The following PLK2 variants were observed in gnomAD, a reference collection of about 807,000 sequenced individuals.
The protein encoded by PLK2 is serine/threonine-protein kinase PLK2.
In PLK2, 25 loss-of-function variants were observed where a neutral mutation model predicts 78.1. The ratio of observed to expected loss-of-function variants is 0.32; its 90% CI spans 0.23 to 0.45. The LOEUF (loss-of-function observed/expected upper bound fraction) is 0.45, where lower values mean the gene tolerates loss of function less well. Among genes scored for constraint, PLK2 ranks in the 20% least tolerant of loss-of-function variants. PLK2 has a pLI of 1.00. For synonymous variants in PLK2, 332 were observed against 298.2 expected (o/e 1.11, Z -1.17); for missense variants, 566 against 840.2 (o/e 0.67, Z 4.04).
At chr5:58,457,806 AC>A (rs1477630859) in intron 5 of PLK2, 2 of 590,798 alleles carry the variant, frequency 3.4e-6, no homozygotes, top group Non-Finnish European at 6.0e-6. Flanking sequence ...GTTTTAGCCC[AC>A]ATGCAAAGTG....
intron 12 of PLK2, 75 bp downstream of exon 12, chr5:58,455,210 C>T: frequency 3.3e-6 from 5 of 1,527,296 alleles, no homozygotes; most frequent in Non-Finnish European, 3.6e-6. Context: ...TTCTAACAAG[C>T]TTCAAAGTGA....
Position 58,455,704 on chromosome 5 carries a change from G to T in PLK2, c.1460C>A (p.Pro487Gln). Reference protein sequence around the residue: ...RVLRGCLENMPEADCIPKEQL... With the variant: ...RVLRGCLENMQEADCIPKEQL... ...CTCTTTGGGAATGCAATCAGCTTCC[G>T]GCATGTTTTCCAGACATCCCCGAAG... Residue 487 changes from proline to glutamine, a missense_variant, in exon 11 of 14, where the codon CCG becomes CAG. By Grantham distance (76) the Pro-to-Gln change is moderately conservative. Transcript: ENST00000274289. The T allele has an allele frequency of 1.2e-6, 2 of 1,614,092 alleles. No homozygotes were observed. The highest frequency in any genetic ancestry group is 1.7e-6 in the Non-Finnish European group (2 of 1,180,014).
Position 58,454,502 on chromosome 5 carries a change from T to C in PLK2, c.*81A>G. ...CACCACATGTCCATCTTCTTCAACATACTCTAGATCATTCTTTTGGCTTCC... is the reference window on the plus strand; with the variant it reads ...CACCACATGTCCATCTTCTTCAACACACTCTAGATCATTCTTTTGGCTTCC... On this transcript the variant is annotated 3_prime_UTR_variant, in exon 14 of 14. Coordinates refer to ENST00000274289, the MANE Select transcript of PLK2 (RefSeq NM_006622.4). 2.0e-6 allele frequency: 2 copies of C among 975,698 alleles called. No individual in the cohort carries two copies. The highest frequency in any genetic ancestry group is 3.1e-6 in the Non-Finnish European group (2 of 638,692). 60.4% of individuals were successfully genotyped at this position (975,698 alleles called of 1,614,324 possible).
In PLK2 at chr5:58,457,523, G is replaced by A; in HGVS notation, c.774C>T (p.Gly258=). The change falls in exon 6 of 14, where the codon GGC becomes GGT. Residue 258 remains glycine (G), a synonymous_variant. Coordinates refer to ENST00000274289, the MANE Select transcript of PLK2 (RefSeq NM_006622.4). ...SPEVLNKQGH[G]CESDIWALGC... ...CCAGGGCCCAAATGTCTGATTCACA[G>A]CCATGTCCTTGTTTGTTGAGGACTT... 6.2e-7 allele frequency: 1 copy of A among 1,613,230 alleles called. No homozygotes were observed.
rs1743552438 is a variant in PLK2, at chr5:58,454,745, G to T, written c.1896C>A (p.Ile632=). The change falls in exon 14 of 14, where the codon ATC becomes ATA. Residue 632 remains isoleucine (I), a synonymous_variant. Coordinates refer to ENST00000274289, the MANE Select transcript of PLK2 (RefSeq NM_006622.4). ...QVNFYHDHTK[I]IICSQNEEYL... is the part of the protein sequence containing the mutation. ...ATTCTTCATTTTGGCTACAGATGAT[G>T]ATTTTTGTATGATCATGGTAGAAAT... 1 of 1,610,326 alleles carries T rather than the reference G, an allele frequency of 6.2e-7. No homozygotes were observed.
chr5:58,457,635 C>G, intron 5 of PLK2, 52 bp from the exon 6 acceptor site: 4 of 1,005,282 alleles, frequency 4.0e-6, no homozygotes, highest in Non-Finnish European at 6.4e-6. Flanking sequence ...ACTACTTAAA[C>G]TTGGTTCTCT....
Position 58,459,589 on chromosome 5 carries a change from C to T in PLK2, c.270+101G>A. The T allele has an allele frequency of 3.7e-6, 4 of 1,089,512 alleles. No individual in the cohort carries two copies. In the South Asian group the frequency reaches 5.0e-5, roughly 14 times the overall value. The allele number at this position is 1,089,512 out of a possible 1,614,324, so 67.5% of individuals were successfully genotyped here. ...GCGCTGGGATCGGACCCCCGAAAAA[C>T]CCGGAAGCGGCGGGCGAGGGACCCC... On this transcript the variant is annotated intron_variant, in intron 1 of 13. Transcript: ENST00000274289.
At position 58,455,369 on chromosome 5, in the gene PLK2, T is replaced by C; in HGVS notation, c.1671A>G (p.Pro557=). ...YAELGQCSVF[P]ATDAPEQFIS... is the part of the protein sequence containing the mutation. ...TAAATTGCTCAGGAGCATCTGTTGC[T>C]GGGAAAACTGAGCATTGGCCAAGCT... Residue 557 remains proline, a synonymous_variant, in exon 12 of 14, where the codon CCA becomes CCG. Transcript: ENST00000274289. The C allele has an allele frequency of 6.2e-7, 1 of 1,613,976 alleles. No individual in the cohort carries two copies. Among genetic ancestry groups the C allele is most frequent in the Non-Finnish European group, 8.5e-7 (1 of 1,179,894 alleles).
chr5:58,457,665 A>G lies in PLK2; in HGVS notation c.714-82T>C, dbSNP rs1036083074. The G allele has an allele frequency of 3.9e-6, 3 of 773,338 alleles. No individual in the cohort carries two copies. In the Admixed American group the frequency reaches 6.4e-5, roughly 16 times the overall value. 47.9% of individuals were successfully genotyped at this position (773,338 alleles called of 1,614,324 possible). A position where few individuals can be genotyped will look rare whatever the true frequency, so the allele number is the denominator to read the frequency against. ...TTCTCTTGACATGACTTGATGGGAG[A>G]CAAAATCTTAAACAAAATCTTAAAA... On this transcript the variant is annotated intron_variant, in intron 5 of 13. Transcript: ENST00000274289.
In PLK2 at chr5:58,457,601, T is replaced by G. The variant is rs1209788952; in HGVS notation, c.714-18A>C. The G allele has an allele frequency of 1.4e-6, 2 of 1,431,428 alleles. No homozygotes were observed. The highest frequency in any genetic ancestry group is 2.0e-6 in the Non-Finnish European group (2 of 1,013,586). 88.7% of individuals were successfully genotyped at this position (1,431,428 alleles called of 1,614,324 possible). ...ATATCGTTCTGGAAAGACAAAATAT[T>G]GAGATCGTGTTAGGAACTATTCCAC... On this transcript the variant is annotated intron_variant, in intron 5 of 13. Transcript: ENST00000274289.
In PLK2 at chr5:58,459,972, G is replaced by C; in HGVS notation, c.-13C>G. On this transcript the variant is annotated 5_prime_UTR_variant, in exon 1 of 14. Transcript: ENST00000274289. Reference sequence around the variant, plus strand: ...GCAAAAGCTCCATGGTCGCCTTGCCGCCCCGCACTGCCCGCTGCCACCCCC... The same window carrying C: ...GCAAAAGCTCCATGGTCGCCTTGCCCCCCCGCACTGCCCGCTGCCACCCCC... 2 of 1,571,520 alleles carry C rather than the reference G, an allele frequency of 1.3e-6. No individual in the cohort carries two copies. The highest frequency in any genetic ancestry group is 2.3e-5 in the South Asian group (2 of 85,344).
At chr5:58,456,437 A>G (rs1451301587) in intron 9 of PLK2, 55 bp downstream of exon 9, 3 of 1,039,314 alleles carry the variant, frequency 2.9e-6, no homozygotes, top group Non-Finnish European at 4.4e-6. Context: ...GCTAATTAAT[A>G]AAGAGTGGAA....
Position 58,456,930 on chromosome 5 carries a change from G to T in PLK2, c.1156+15C>A. The T allele has an allele frequency of 6.5e-7, 1 of 1,526,892 alleles. No homozygotes were observed. The highest frequency in any genetic ancestry group is 8.9e-7 in the Non-Finnish European group (1 of 1,124,526). 94.6% of individuals were successfully genotyped at this position (1,526,892 alleles called of 1,614,324 possible). On this transcript the variant is annotated intron_variant, in intron 8 of 13. Transcript: ENST00000274289. ...TATTGGGTACGAAAAAGGAAAAGAA[G>T]TCTTGTTAACTTACTATGTGTGTCA...
In PLK2 at chr5:58,458,406, G is replaced by C; in HGVS notation, c.618C>G (p.Leu206=). 6.2e-7 allele frequency: 1 copy of C among 1,613,946 alleles called. No individual in the cohort carries two copies. The highest frequency in any genetic ancestry group is 8.5e-7 in the Non-Finnish European group (1 of 1,179,850). Residue 206 remains leucine, a synonymous_variant, in exon 4 of 14, where the codon CTC becomes CTG. Transcript: ENST00000274289. ...LHEQEILHRD[L]KLGNFFINEA... is the part of the protein sequence containing the mutation. ...TTGGCGTCAATGACTTACCTAGTTT[G>C]AGATCTCTGTGCAAGATTTCTTGTT...
chr5:58,458,392 G>T lies in PLK2; in HGVS notation c.625+7C>A. On this transcript the variant is annotated splice_region_variant and intron_variant, in intron 4 of 13. Transcript: ENST00000274289. ...ACAAAACTCAGCTTTTGGCGTCAATGACTTACCTAGTTTGAGATCTCTGTG... is the reference window on the plus strand; with the variant it reads ...ACAAAACTCAGCTTTTGGCGTCAATTACTTACCTAGTTTGAGATCTCTGTG... 6.2e-7 allele frequency: 1 copy of T among 1,613,482 alleles called. No individual in the cohort carries two copies. The highest frequency in any genetic ancestry group is 1.1e-5 in the South Asian group (1 of 91,018).
rs554279083 is a variant in PLK2 at position 58,455,084 on chromosome 5, T to C, written c.1756-63A>G. On this transcript the variant is annotated intron_variant, in intron 12 of 13. Coordinates refer to ENST00000274289, the MANE Select transcript of PLK2 (RefSeq NM_006622.4). ...GATTTTGTAGCATGCACTCTATTAT[T>C]ATTCTAAGAAAATCCTCTCAAACTT... is the stretch of plus-strand genomic sequence containing the variant. The C allele has an allele frequency of 6.0e-6, 7 of 1,163,774 alleles. No individual in the cohort carries two copies. The East Asian group carries it at 7.0e-5, about 12-fold the overall frequency. The allele number at this position is 1,163,774 out of a possible 1,614,324, so 72.1% of individuals were successfully genotyped here.
chr5:58,459,474 G>A (rs925715330), intron 1 of PLK2: 14 of 575,468 alleles, frequency 2.4e-5, no homozygotes, highest in Middle Eastern at 4.6e-4. Flanking sequence ...TGGGCTGCGG[G>A]AGACACACAG....
intron 8 of PLK2, 29 bp downstream of exon 8, chr5:58,456,916 A>G (rs1743620705): frequency 6.8e-7 from 1 of 1,474,452 alleles, no homozygotes; most frequent in Non-Finnish European, 9.2e-7. Flanking sequence ...ATTGGGTACG[A>G]AAAAGGAAAA....
In PLK2 at chr5:58,459,887, C is replaced by A. The variant is rs1217325840; in HGVS notation, c.73G>T (p.Gly25Cys). 1 of 1,612,028 alleles carries A rather than the reference C, an allele frequency of 6.2e-7. No individual in the cohort carries two copies. Among genetic ancestry groups the A allele is most frequent in the Non-Finnish European group, 8.5e-7 (1 of 1,179,714 alleles). Residue 25 changes from glycine to cysteine, a missense_variant, in exon 1 of 14, where the codon GGT (glycine) becomes TGT (cysteine). Coordinates refer to ENST00000274289, the MANE Select transcript of PLK2 (RefSeq NM_006622.4). Reference sequence around the variant, plus strand: ...TTCTTCTTCGAGTCCGCTCCGCAACCCTTGCCCAGCGCCTGCTCGCACATT... The same window carrying A: ...TTCTTCTTCGAGTCCGCTCCGCAACACTTGCCCAGCGCCTGCTCGCACATT... ...TKMCEQALGK[G>C]CGADSKKKRP... is the part of the protein sequence containing the mutation.
Sources: gnomAD v4.1 joint callset for allele counts on GRCh38, gnomAD v4.1.1 for gene constraint, MANE v1.5 for transcripts, NCBI Gene and HGNC (gene_info 2026-07-23, HGNC 2026-07-21) for gene names.